Variants in TRAPPC9 observed in about 807,000 individuals in gnomAD.
TRAPPC9 encodes the protein trafficking protein particle complex subunit 9, also known as IKK2 binding protein.
A neutral mutation model predicts 124.0 loss-of-function variants in TRAPPC9; 83 were observed. That is an observed-to-expected ratio of 0.67 (90% CI 0.56 to 0.80). TRAPPC9 has a LOEUF of 0.80. TRAPPC9 is among the 30% of genes least tolerant of loss of function. The pLI, the probability that TRAPPC9 is intolerant of heterozygous loss-of-function variation, is 0.00. For missense variants in TRAPPC9, 1,302 were observed against 1,508.3 expected (o/e 0.86, Z 2.27); for synonymous variants, 638 against 617.5 (o/e 1.03, Z -0.49).
At chr8:140,118,004 T>C (rs1382555769) in intron 17 of TRAPPC9, among the ~76,000 whole-genome samples, 1 of 152,234 alleles carries the variant, frequency 6.6e-6, no homozygotes, top group African/African-American at 2.4e-5. Context: ...CACTAGGAAT[T>C]TGAAGTCATA....
intron 7 of TRAPPC9, among the ~76,000 whole-genome samples, chr8:140,394,361 A>G (rs1259587920): frequency 1.3e-5 from 2 of 152,236 alleles, no homozygotes; most frequent in Admixed American, 6.5e-5. Flanking sequence ...ACACTTGCCC[A>G]TCGCAGAGTC....
At chr8:140,317,090 A>G (rs2066462610) in intron 9 of TRAPPC9, among the ~76,000 whole-genome samples, 1 of 151,952 alleles carries the variant, frequency 6.6e-6, no homozygotes, top group Non-Finnish European at 1.5e-5. Context: ...CTCTGATTTT[A>G]TTGATTTGAC....
intron 16 of TRAPPC9, among the ~76,000 whole-genome samples, chr8:140,237,733 C>T (rs1010138360): frequency 2.6e-5 from 4 of 152,122 alleles, no homozygotes; most frequent in South Asian, 2.1e-4. Context: ...CTGAGGGTGA[C>T]GGGATGCCAC....
At chr8:139,802,247 G>A (rs914498145) in intron 21 of TRAPPC9, among the ~76,000 whole-genome samples, 30 of 152,182 alleles carry the variant, frequency 2.0e-4, no homozygotes, top group Non-Finnish European at 7.3e-5. Context: ...TGATCATGGC[G>A]CAGGAGAGAC....
chr8:140,394,319 G>C (rs962059700), intron 7 of TRAPPC9, among the ~76,000 whole-genome samples: 6 of 152,152 alleles, frequency 3.9e-5, no homozygotes, highest in Admixed American at 1.3e-4. Context: ...TGTCACAAAA[G>C]ATGTCTCTTT....
Position 140,164,977 on chromosome 8 carries a change from G to T in TRAPPC9, c.2556+56482C>A, listed in dbSNP as rs566549786. Among the ~76,000 whole-genome samples, 5 of 152,322 alleles carry T rather than the reference G, an allele frequency of 3.3e-5. No homozygotes were observed. In the South Asian group the frequency reaches 1.0e-3, roughly 32 times the overall value. Reference sequence around the variant, plus strand: ...TGATGGGGCCACAATACCTGGCCTTGCTCGTAATAAGGTAATGCCTTATGT... The same window carrying T: ...TGATGGGGCCACAATACCTGGCCTTTCTCGTAATAAGGTAATGCCTTATGT... On this transcript the variant is annotated intron_variant, in intron 17 of 22. Coordinates refer to ENST00000438773, the MANE Select transcript of TRAPPC9 (RefSeq NM_001160372.4).
intron 2 of TRAPPC9, among the ~76,000 whole-genome samples, chr8:140,449,585 C>A (rs12386958): frequency 0.46 from 70,201 of 152,130 alleles, 16,539 homozygotes; most frequent in East Asian, 0.53. Flanking sequence ...CTATCCAACA[C>A]TCCTTGTACA....
intron 21 of TRAPPC9, among the ~76,000 whole-genome samples, chr8:139,797,615 T>C (rs1055228012): frequency 1.3e-5 from 2 of 152,220 alleles, no homozygotes; most frequent in Non-Finnish European, 2.9e-5. Flanking sequence ...AGGAAACCAT[T>C]GCCAAATTGA....
intron 12 of TRAPPC9, among the ~76,000 whole-genome samples, chr8:140,289,179 G>A (rs2065579454): frequency 6.0e-5 from 1 of 16,564 alleles, no homozygotes; most frequent in Admixed American, 6.6e-4. Flanking sequence ...TATATAGTGT[G>A]TGTGTGTGTG....
At chr8:140,406,504 T>G (rs923128126) in intron 5 of TRAPPC9, among the ~76,000 whole-genome samples, 1 of 152,198 alleles carries the variant, frequency 6.6e-6, no homozygotes, top group East Asian at 1.9e-4. Context: ...GCCAAAGACG[T>G]GCATCTCACA....
At chr8:140,054,812 T>TA (rs570231433) in intron 17 of TRAPPC9, among the ~76,000 whole-genome samples, 484 of 147,562 alleles carry the variant, frequency 3.3e-3, no homozygotes, top group South Asian at 7.5e-3. Context: ...GGCTACATCG[T>TA]AAAAAAAAAA....
rs1350290526 is a variant in TRAPPC9, at chr8:140,412,700, T to C, written c.887-7002A>G. Reference sequence around the variant, plus strand: ...ACGGGTGAAGAGTACATCAGAATTATCTTTACCACTCTTTTATAAGATTTA... The same window carrying C: ...ACGGGTGAAGAGTACATCAGAATTACCTTTACCACTCTTTTATAAGATTTA... On this transcript the variant is annotated intron_variant, in intron 5 of 22. Coordinates refer to ENST00000438773, the MANE Select transcript of TRAPPC9 (RefSeq NM_001160372.4). Among the ~76,000 whole-genome samples the C allele has an allele frequency of 2.0e-5, 3 of 152,200 alleles. No homozygotes were observed. In the East Asian group the frequency reaches 5.8e-4, roughly 29 times the overall value.
chr8:139,936,033 G>A (rs868531103), intron 19 of TRAPPC9, among the ~76,000 whole-genome samples: 21 of 152,306 alleles, frequency 1.4e-4, no homozygotes, highest in Non-Finnish European at 2.8e-4. Context: ...AACCTGGTGC[G>A]AGCACAGGCC....
At chr8:139,821,745 C>T (rs1825267757) in intron 21 of TRAPPC9, among the ~76,000 whole-genome samples, 1 of 152,172 alleles carries the variant, frequency 6.6e-6, no homozygotes, top group Admixed American at 6.5e-5. Flanking sequence ...CATGGTGAGG[C>T]TCCATGACGG....
chr8:139,982,812 G>C (rs566840797), intron 19 of TRAPPC9, among the ~76,000 whole-genome samples: 75 of 152,250 alleles, frequency 4.9e-4, no homozygotes, highest in African/African-American at 1.7e-3. Context: ...TATGATAAGA[G>C]TGGCATTGCT....
At chr8:140,295,306 C>T (rs997485278) in intron 11 of TRAPPC9, among the ~76,000 whole-genome samples, 3 of 152,206 alleles carry the variant, frequency 2.0e-5, no homozygotes, top group East Asian at 1.9e-4. Flanking sequence ...ATCCTCAAAA[C>T]CACCCTCCGT....
chr8:139,890,530 C>G (rs1301606933), intron 20 of TRAPPC9, among the ~76,000 whole-genome samples: 1 of 152,222 alleles, frequency 6.6e-6, no homozygotes, highest in Non-Finnish European at 1.5e-5. Context: ...GTGGCAGGCT[C>G]ACAGGTGGAG....
intron 18 of TRAPPC9, among the ~76,000 whole-genome samples, chr8:140,002,310 T>A (rs1316058579): frequency 6.6e-6 from 1 of 151,936 alleles, no homozygotes; most frequent in Non-Finnish European, 1.5e-5. Context: ...AGAATGCTGA[T>A]GAATAAAATC....
intron 19 of TRAPPC9, among the ~76,000 whole-genome samples, chr8:139,970,662 A>G (rs1836001160): frequency 6.6e-6 from 1 of 152,156 alleles, no homozygotes; most frequent in Non-Finnish European, 1.5e-5. Flanking sequence ...GGTTATAATC[A>G]GCTCTACTTC....
Sources: allele counts gnomAD v4.1 joint callset (sites outside exome capture counted in the v4.1 genomes callset), GRCh38; gene constraint gnomAD v4.1.1; transcripts MANE v1.5; gene names NCBI Gene and HGNC (gene_info 2026-07-23, HGNC 2026-07-21).